AADACL3: variants seen among roughly 807,000 people sequenced by gnomAD.
The protein encoded by AADACL3 is arylacetamide deacetylase like 3, also known as arylacetamide deacetylase-like 3.
In AADACL3, 13 loss-of-function variants were observed where a neutral mutation model predicts 13.6. The ratio of observed to expected loss-of-function variants is 0.95; its 90% CI spans 0.62 to 1.52. The LOEUF (loss-of-function observed/expected upper bound fraction) is 1.52. Among genes scored for constraint, AADACL3 ranks in the 40% most tolerant of loss-of-function variants. The pLI, the probability that AADACL3 is intolerant of heterozygous loss-of-function variation, is 0.00. For missense variants in AADACL3, 519 were observed against 499.2 expected, an observed-to-expected ratio of 1.04 and a Z score of -0.38; for synonymous variants, 195 against 197.0, an observed-to-expected ratio of 0.99 and a Z score of 0.08.
rs1638387207 is a variant in AADACL3, at chr1:12,727,263, G to A, written c.*1267G>A. 1 of 152,230 alleles carries A rather than the reference G, an allele frequency of 6.6e-6. No homozygotes were observed. The highest frequency in any genetic ancestry group is 2.1e-4 in the South Asian group (1 of 4,826). 9.4% of individuals were successfully genotyped at this position (152,230 alleles called of 1,614,324 possible). A position where few individuals can be genotyped will look rare whatever the true frequency, so the allele number is the denominator to read the frequency against. ...CCAAGTCCTATGCCATCCTGAGAGT[G>A]GGGGGTGGAGTCAATTCACCTTGGT... On this transcript the variant is annotated 3_prime_UTR_variant, in exon 4 of 4. Transcript: ENST00000359318.
rs1638403211 is a variant in AADACL3, at chr1:12,727,962, A to T, written c.*1966A>T. ...GCTGAGGCACTGCAGGGCCATGCCC[A>T]GTAGAGAGGAATGTATAACATTTTA... is the stretch of plus-strand genomic sequence containing the variant. On this transcript the variant is annotated 3_prime_UTR_variant, in exon 4 of 4. Transcript: ENST00000359318. 6.6e-6 allele frequency: 1 copy of T among 152,292 alleles called. No homozygotes were observed. The highest frequency in any genetic ancestry group is 2.4e-5 in the African/African-American group (1 of 41,468). 9.4% of individuals were successfully genotyped at this position (152,292 alleles called of 1,614,324 possible).
At chr1:12,717,764 AG>A (rs1341300747) in intron 1 of AADACL3, among the ~76,000 whole-genome samples, 1 of 152,320 alleles carries the variant, frequency 6.6e-6, no homozygotes, top group South Asian at 2.1e-4. Flanking sequence ...GGAGCCGAGC[AG>A]GGCTTCTCTC....
Position 12,719,663 on chromosome 1 carries a change from C to A in AADACL3, c.357C>A (p.His119Gln), listed in dbSNP as rs777992875. 1.2e-6 allele frequency: 2 copies of A among 1,614,100 alleles called. No homozygotes were observed. The highest frequency in any genetic ancestry group is 1.7e-5 in the Admixed American group (1 of 60,014). ...CTLKPGIVYYHGGGGVMGSLK... is the reference protein window; with the variant it reads ...CTLKPGIVYYQGGGGVMGSLK... Reference sequence around the variant, plus strand: ...TGAAGCCTGGCATCGTGTACTACCACGGTGGCGGGGGCGTCATGGGGAGTT... The same window carrying A: ...TGAAGCCTGGCATCGTGTACTACCAAGGTGGCGGGGGCGTCATGGGGAGTT... The change falls in exon 2 of 4, where the codon CAC (histidine) becomes CAA (glutamine). Residue 119 changes from histidine to glutamine, a missense_variant. Coordinates refer to ENST00000359318, the MANE Select transcript of AADACL3 (RefSeq NM_001103170.3).
chr1:12,725,393 G>A lies in AADACL3; in HGVS notation c.621G>A (p.Val207=). 1 of 1,614,132 alleles carries A rather than the reference G, an allele frequency of 6.2e-7. No individual in the cohort carries two copies. Among genetic ancestry groups the A allele is most frequent in the Non-Finnish European group, 8.5e-7 (1 of 1,180,018 alleles). Reference sequence around the variant, plus strand: ...CCGCAGTGGTTTGTCAACAACTTGTGGACAGGCCAGATCTGCCCCGGATCC... The same window carrying A: ...CCGCAGTGGTTTGTCAACAACTTGTAGACAGGCCAGATCTGCCCCGGATCC... The part of the protein sequence containing the change: ...AIAAVVCQQL[V]DRPDLPRIRA... Residue 207 remains valine, a synonymous_variant, in exon 4 of 4, where the codon GTG becomes GTA. Coordinates refer to ENST00000359318, the MANE Select transcript of AADACL3 (RefSeq NM_001103170.3).
intron 3 of AADACL3, among the ~76,000 whole-genome samples, chr1:12,721,730 AG>A (rs1434125296): frequency 2.6e-5 from 4 of 152,204 alleles, no homozygotes; most frequent in Non-Finnish European, 5.9e-5. Flanking sequence ...TGCTCCCAAA[AG>A]GGAGGTCCCC....
At chr1:12,725,195 C>T (rs1173075069) in intron 3 of AADACL3, 27 bp from the exon 4 acceptor site, 2 of 1,566,196 alleles carry the variant, frequency 1.3e-6, no homozygotes, top group Non-Finnish European at 1.7e-6. Context: ...GGGGCGTTAT[C>T]AACTGTGTTT....
chr1:12,719,449 C>A (rs982595404), intron 1 of AADACL3, 26 bp from the exon 2 acceptor site: 4 of 1,601,830 alleles, frequency 2.5e-6, no homozygotes, highest in Admixed American at 3.3e-5. Flanking sequence ...CCCATCTCGA[C>A]CCATCATTTC....
In AADACL3 at chr1:12,725,839, A is replaced by C; in HGVS notation, c.1067A>C (p.Tyr356Ser). Residue 356 changes from tyrosine to serine, a missense_variant, in exon 4 of 4, where the codon TAC (tyrosine) becomes TCC (serine). Physicochemically the swap from Tyr to Ser is moderately radical, Grantham distance 144 (BLOSUM62 -2). Coordinates refer to ENST00000359318, the MANE Select transcript of AADACL3 (RefSeq NM_001103170.3). ...YDALRDNSLL[Y>S]KKRLEDLGVP... ...GCTCTCCGGGACAATTCACTGTTGT[A>C]CAAGAAAAGGCTGGAAGACCTGGGA... 1.2e-6 allele frequency: 2 copies of C among 1,614,216 alleles called. No individual in the cohort carries two copies. The highest frequency in any genetic ancestry group is 8.5e-7 in the Non-Finnish European group (1 of 1,180,036).
rs769303160 is a variant in AADACL3, at chr1:12,716,445, A to G, written c.168+101A>G. The G allele has an allele frequency of 2.1e-4, 310 of 1,493,616 alleles. 1 individual carries two copies. The highest frequency in any genetic ancestry group is 2.2e-4 in the Non-Finnish European group (233 of 1,070,898). The allele number at this position is 1,493,616 out of a possible 1,614,324, so 92.5% of individuals were successfully genotyped here. A position where few individuals can be genotyped will look rare whatever the true frequency, so the allele number is the denominator to read the frequency against. ...TTCTAGCTGAATGAACACCGGTATC[A>G]TGGGGCCTGCAGTGACAGCTGATCA... is the stretch of plus-strand genomic sequence containing the variant. On this transcript the variant is annotated intron_variant, in intron 1 of 3. Transcript: ENST00000359318.
At chr1:12,720,136 G>A (rs529199363) in intron 2 of AADACL3, among the ~76,000 whole-genome samples, 155 of 152,244 alleles carry the variant, frequency 1.0e-3, no homozygotes, top group South Asian at 2.3e-3. Flanking sequence ...ACAAATTCTG[G>A]TACAGACAGA....
chr1:12,722,870 G>A (rs1557571342), intron 3 of AADACL3, among the ~76,000 whole-genome samples: 3 of 151,968 alleles, frequency 2.0e-5, no homozygotes, highest in South Asian at 2.1e-4. Context: ...CAGCAATGTC[G>A]ACAGGTTCTT....
At position 12,725,831 on chromosome 1, in the gene AADACL3, A is replaced by C. The variant is rs1184564558; in HGVS notation, c.1059A>C (p.Ser353=). ...SCEYDALRDN[S]LLYKKRLEDL... ...AGTATGATGCTCTCCGGGACAATTC[A>C]CTGTTGTACAAGAAAAGGCTGGAAG... The change falls in exon 4 of 4, where the codon TCA becomes TCC. Residue 353 remains serine (S), a synonymous_variant. Coordinates refer to ENST00000359318, the MANE Select transcript of AADACL3 (RefSeq NM_001103170.3). The C allele has an allele frequency of 6.2e-7, 1 of 1,614,138 alleles. No individual in the cohort carries two copies. The highest frequency in any genetic ancestry group is 2.2e-5 in the East Asian group (1 of 44,888).
intron 1 of AADACL3, among the ~76,000 whole-genome samples, chr1:12,718,761 A>G (rs1465158161): frequency 6.6e-6 from 1 of 152,132 alleles, no homozygotes; most frequent in Non-Finnish European, 1.5e-5. Flanking sequence ...TTGGCCTCCC[A>G]AAGTGCTGGG....
chr1:12,723,784 T>C (rs1015912518), intron 3 of AADACL3, among the ~76,000 whole-genome samples: 21 of 139,322 alleles, frequency 1.5e-4, no homozygotes, highest in African/African-American at 4.5e-4. Flanking sequence ...TGGCTGACTT[T>C]ATAATTTTTT....
chr1:12,721,307 A>T (rs756870681), intron 3 of AADACL3, among the ~76,000 whole-genome samples: 2 of 152,064 alleles, frequency 1.3e-5, no homozygotes, highest in African/African-American at 4.8e-5. Context: ...GAGGCCGAGG[A>T]GGAAGAAGCA....
At chr1:12,723,869 T>A (rs1638313592) in intron 3 of AADACL3, among the ~76,000 whole-genome samples, 1 of 73,860 alleles carries the variant, frequency 1.4e-5, no homozygotes, top group African/African-American at 7.0e-5. Context: ...CCACAACTTC[T>A]GCCTCCTGGG....
At position 12,725,497 on chromosome 1, in the gene AADACL3, C is replaced by G. The variant is rs1638349239; in HGVS notation, c.725C>G (p.Pro242Arg). The stretch of plus-strand genomic sequence containing the variant: ...TCGTTTCAACAGAGGAAAAACATCC[C>G]ACTGCTCACCTGGAGTTTCATCTGC... ...TPSFQQRKNI[P>R]LLTWSFICYF... Residue 242 changes from proline (P) to arginine (R), a missense_variant, in exon 4 of 4, where the codon CCA becomes CGA. Physicochemically the swap from Pro to Arg is moderately radical, Grantham distance 103 (BLOSUM62 -2). Transcript: ENST00000359318. The G allele has an allele frequency of 2.5e-6, 4 of 1,614,102 alleles. No homozygotes were observed. The highest frequency in any genetic ancestry group is 4.5e-5 in the East Asian group (2 of 44,878).
In AADACL3 at chr1:12,725,893, A is replaced by T; in HGVS notation, c.1121A>T (p.Asp374Val). 1 of 1,614,108 alleles carries T rather than the reference A, an allele frequency of 6.2e-7. No homozygotes were observed. The highest frequency in any genetic ancestry group is 8.5e-7 in the Non-Finnish European group (1 of 1,180,010). Residue 374 changes from aspartate to valine, a missense_variant, in exon 4 of 4, where the codon GAT (aspartate) becomes GTT (valine). By Grantham distance (152) the Asp-to-Val change is radical. Transcript: ENST00000359318. ...GVPVTWHHME[D>V]GFHGVLRTID... ...CCCGTGACCTGGCACCATATGGAGGATGGTTTCCATGGAGTGCTCAGGACC... is the reference window on the plus strand; with the variant it reads ...CCCGTGACCTGGCACCATATGGAGGTTGGTTTCCATGGAGTGCTCAGGACC...
At chr1:12,718,686 A>G (rs1190934664) in intron 1 of AADACL3, among the ~76,000 whole-genome samples, 1 of 152,122 alleles carries the variant, frequency 6.6e-6, no homozygotes, top group Non-Finnish European at 1.5e-5. Context: ...TTTTCAGTAG[A>G]GACTGGGTTT....
Sources: allele counts gnomAD v4.1 joint callset (sites outside exome capture counted in the v4.1 genomes callset), GRCh38; gene constraint gnomAD v4.1.1; transcripts MANE v1.5; gene names NCBI Gene and HGNC (gene_info 2026-07-23, HGNC 2026-07-21).